Variants in IMMP2L observed in about 807,000 individuals in gnomAD.
The protein encoded by IMMP2L is mitochondrial inner membrane protease subunit 2.
Under a neutral mutation model 19.3 loss-of-function variants are expected in IMMP2L, and 18 were observed. The ratio of observed to expected loss-of-function variants is 0.93; its 90% CI spans 0.64 to 1.38. The LOEUF (loss-of-function observed/expected upper bound fraction) is 1.38, where lower values mean the gene tolerates loss of function less well. IMMP2L is among the 40% of genes most tolerant of loss of function. The pLI, the probability that IMMP2L is intolerant of heterozygous loss-of-function variation, is 0.00. For synonymous variants in IMMP2L, 76 were observed against 73.0 expected, an observed-to-expected ratio of 1.04 and a Z score of -0.21; for missense variants, 233 against 218.2, an observed-to-expected ratio of 1.07 and a Z score of -0.43.
At chr7:111,539,223 AAAG>A (rs1848270963) in intron 1 of IMMP2L, among the ~76,000 whole-genome samples, 2 of 123,680 alleles carry the variant, frequency 1.6e-5, no homozygotes, top group African/African-American at 6.8e-5. Flanking sequence ...AGAAAGAAAG[AAAG>A]AAAGAAAGAA....
At chr7:110,743,144 T>A (rs1797102612) in intron 5 of IMMP2L, among the ~76,000 whole-genome samples, 1 of 152,218 alleles carries the variant, frequency 6.6e-6, no homozygotes, top group South Asian at 2.1e-4. Flanking sequence ...ATGTAGGTTC[T>A]CAAAATTAAA....
At chr7:110,731,384 G>A (rs1208185056) in intron 5 of IMMP2L, among the ~76,000 whole-genome samples, 1 of 152,102 alleles carries the variant, frequency 6.6e-6, no homozygotes, top group African/African-American at 2.4e-5. Flanking sequence ...GAATACAGAT[G>A]CTCTGAGTAC....
At chr7:110,847,412 A>G (rs959938148) in intron 5 of IMMP2L, among the ~76,000 whole-genome samples, 2 of 152,194 alleles carry the variant, frequency 1.3e-5, no homozygotes, top group African/African-American at 4.8e-5. Flanking sequence ...TCGATTTAAT[A>G]CACGCTCATT....
intron 3 of IMMP2L, among the ~76,000 whole-genome samples, chr7:111,117,164 T>C (rs1289344297): frequency 7.2e-5 from 11 of 152,216 alleles, no homozygotes; most frequent in Admixed American, 7.2e-4. Flanking sequence ...GACTAGAGTA[T>C]TGAATATAAA....
chr7:111,048,257 A>G (rs1379665162), intron 3 of IMMP2L, among the ~76,000 whole-genome samples: 2 of 149,372 alleles, frequency 1.3e-5, no homozygotes, highest in African/African-American at 4.9e-5. Context: ...AAAAAAAAAA[A>G]AAAAAAAAGA....
chr7:110,963,440 G>T, intron 4 of IMMP2L, 60 bp downstream of exon 4: 1 of 1,180,392 alleles, frequency 8.5e-7, no homozygotes, highest in Non-Finnish European at 1.2e-6. Flanking sequence ...CCCAAGTAAT[G>T]TAGGTAACAG....
chr7:111,368,814 T>G (rs149715424), intron 3 of IMMP2L, among the ~76,000 whole-genome samples: 2 of 152,014 alleles, frequency 1.3e-5, no homozygotes, highest in African/African-American at 2.4e-5. Flanking sequence ...TCCAATGGTT[T>G]AGTATACTGG....
At chr7:111,265,190 G>A (rs2191269) in intron 3 of IMMP2L, among the ~76,000 whole-genome samples, 2,819 of 152,234 alleles carry the variant, frequency 0.019, 108 homozygotes, top group African/African-American at 0.065. Context: ...ACAGCCAGCT[G>A]CCCACATAAA....
At chr7:110,874,933 A>G (rs1445384238) in intron 5 of IMMP2L, among the ~76,000 whole-genome samples, 1 of 152,070 alleles carries the variant, frequency 6.6e-6, no homozygotes, top group African/African-American at 2.4e-5. Context: ...ACAGAGCAGG[A>G]GGCAGAAGGG....
At chr7:111,090,457 T>C (rs1796740828) in intron 3 of IMMP2L, among the ~76,000 whole-genome samples, 1 of 152,062 alleles carries the variant, frequency 6.6e-6, no homozygotes, top group East Asian at 1.9e-4. Flanking sequence ...CTCCTAGATT[T>C]ATTACATCAT....
chr7:110,798,835 G>T (rs1241801659), intron 5 of IMMP2L, among the ~76,000 whole-genome samples: 1 of 151,784 alleles, frequency 6.6e-6, no homozygotes, highest in Non-Finnish European at 1.5e-5. Flanking sequence ...AAGTATAAGA[G>T]AAATTTACAT....
chr7:111,317,125 G>A (rs1688120236), intron 3 of IMMP2L, among the ~76,000 whole-genome samples: 1 of 152,030 alleles, frequency 6.6e-6, no homozygotes, highest in Non-Finnish European at 1.5e-5. Flanking sequence ...TGGGATTGCA[G>A]GCATGATTTT....
intron 4 of IMMP2L, among the ~76,000 whole-genome samples, chr7:110,935,816 A>AACCAAAACAGCATGGTACTGGT (rs1816042370): frequency 6.6e-6 from 1 of 152,190 alleles, no homozygotes; most frequent in Non-Finnish European, 1.5e-5. Context: ...AGGCTACAGT[A>AACCAAAACAGCATGGTACTGGT]ACCAAAACAG....
chr7:111,032,319 T>A (rs1243612422), intron 3 of IMMP2L, among the ~76,000 whole-genome samples: 1 of 152,104 alleles, frequency 6.6e-6, no homozygotes, highest in African/African-American at 2.4e-5. Flanking sequence ...TGTGTAGACC[T>A]ACATAAATAT....
chr7:110,736,555 C>G (rs1270926680), intron 5 of IMMP2L, among the ~76,000 whole-genome samples: 1 of 152,166 alleles, frequency 6.6e-6, no homozygotes, highest in Non-Finnish European at 1.5e-5. Context: ...CTGTTCTGAG[C>G]TTTGCGGACC....
In IMMP2L at chr7:110,852,036, A is replaced by C. The variant is rs532420515; in HGVS notation, c.408+34557T>G. Among the ~76,000 whole-genome samples the C allele has an allele frequency of 2.0e-5, 3 of 152,226 alleles. No homozygotes were observed. The East Asian group carries it at 5.8e-4, about 30-fold the overall frequency. ...CTGAGGCTGTAATACAAAAGGTGATACAGCTTCCACTTCGCTCTGACTCTT... is the reference window on the plus strand; with the variant it reads ...CTGAGGCTGTAATACAAAAGGTGATCCAGCTTCCACTTCGCTCTGACTCTT... On this transcript the variant is annotated intron_variant, in intron 5 of 5. Transcript: ENST00000405709.
In IMMP2L at chr7:111,442,673, C is replaced by T. The variant is rs150898350; in HGVS notation, c.239+44565G>A. ...ATGTGACAACAACTAACAAAAAAAA[C>T]ACTCTGGTACAAATAAACTAGTACT... On this transcript the variant is annotated intron_variant, in intron 3 of 5. Transcript: ENST00000405709. Among the ~76,000 whole-genome samples the T allele has an allele frequency of 6.2e-3, 947 of 151,850 alleles. 37 individuals are homozygous for T. Among genetic ancestry groups the T allele is most frequent in the African/African-American group, 0.022 (887 of 41,216 alleles).
intron 3 of IMMP2L, among the ~76,000 whole-genome samples, chr7:111,163,109 G>A (rs573377559): frequency 7.6e-4 from 116 of 152,084 alleles, no homozygotes; most frequent in African/African-American, 2.6e-3. Context: ...TTTCCTCAAG[G>A]ACCTGAGCGC....
At position 110,930,473 on chromosome 7, in the gene IMMP2L, T is replaced by A. The variant is rs1170476508; in HGVS notation, c.305+33027A>T. 3.3e-5 allele frequency among the ~76,000 whole-genome samples: 5 copies of A among 152,200 alleles called. No homozygotes were observed. In the East Asian group the frequency reaches 5.8e-4, roughly 18 times the overall value. On this transcript the variant is annotated intron_variant, in intron 4 of 5. Transcript: ENST00000405709. ...ATGTTTACCAGGTTCTTACCACACA[T>A]CAGGTAATTTTTCACACATTTATTA...
Sources: gnomAD v4.1 joint callset for allele counts (sites outside exome capture counted in the v4.1 genomes callset) on GRCh38, gnomAD v4.1.1 for gene constraint, MANE v1.5 for transcripts, NCBI Gene and HGNC (gene_info 2026-07-23, HGNC 2026-07-21) for gene names.